Variants in GALNT13 observed in about 807,000 individuals in gnomAD.
The protein encoded by GALNT13 is UDP-GalNAc:polypeptide N-acetylgalactosaminyltransferase 13.
A neutral mutation model predicts 64.2 loss-of-function variants in GALNT13; 28 were observed. The ratio of observed to expected loss-of-function variants is 0.44; its 90% CI spans 0.32 to 0.60. The LOEUF (loss-of-function observed/expected upper bound fraction) is 0.60. GALNT13 is among the 20% of genes least tolerant of loss of function. GALNT13 has a pLI of 0.05. For synonymous variants in GALNT13, 214 were observed against 224.6 expected (o/e 0.95, Z 0.42); for missense variants, 577 against 669.8 (o/e 0.86, Z 1.53).
chr2:153,205,151 C>T, the GALNT13 span, among the ~76,000 whole-genome samples: 1 of 150,544 alleles, frequency 6.6e-6, no homozygotes, highest in African/African-American at 2.4e-5. Context: ...AAGTCTACCT[C>T]ACTATTAATA....
At chr2:153,102,591 A>G in the GALNT13 span, among the ~76,000 whole-genome samples, 1 of 152,210 alleles carries the variant, frequency 6.6e-6, no homozygotes, top group African/African-American at 2.4e-5. Flanking sequence ...TTTAGGCAAT[A>G]TTATTTAAAT....
At chr2:153,909,212 A>G (rs1688782947) in intron 2 of GALNT13, among the ~76,000 whole-genome samples, 1 of 152,078 alleles carries the variant, frequency 6.6e-6, no homozygotes, top group Admixed American at 6.6e-5. Flanking sequence ...ATTGCCATAT[A>G]GGATTTTTAA....
chr2:153,714,829 G>A, the GALNT13 span, among the ~76,000 whole-genome samples: 1 of 152,114 alleles, frequency 6.6e-6, no homozygotes, highest in Non-Finnish European at 1.5e-5. Flanking sequence ...AAAGAAAACA[G>A]AGTAATACTA....
chr2:154,276,761 A>G (rs184593645), intron 8 of GALNT13, among the ~76,000 whole-genome samples: 42 of 152,212 alleles, frequency 2.8e-4, no homozygotes, highest in African/African-American at 9.4e-4. Context: ...GTGGGAGGCA[A>G]TTTAATCATG....
At chr2:153,596,941 A>G in the GALNT13 span, among the ~76,000 whole-genome samples, 1 of 152,154 alleles carries the variant, frequency 6.6e-6, no homozygotes. Flanking sequence ...ATTGGGGTAC[A>G]AATTTTAAAT....
the GALNT13 span, among the ~76,000 whole-genome samples, chr2:153,726,635 T>A: frequency 5.9e-5 from 9 of 152,084 alleles, no homozygotes; most frequent in Admixed American, 3.3e-4. Flanking sequence ...CATGTACCAT[T>A]TTTTCCTTGT....
intron 9 of GALNT13, among the ~76,000 whole-genome samples, chr2:154,338,266 A>G (rs1695562672): frequency 6.6e-6 from 1 of 152,168 alleles, no homozygotes. Context: ...AGTGTTCTAC[A>G]GTGTTTGTAC....
At chr2:153,699,725 T>C in the GALNT13 span, among the ~76,000 whole-genome samples, 1 of 151,956 alleles carries the variant, frequency 6.6e-6, no homozygotes, top group African/African-American at 2.4e-5. Flanking sequence ...TCTATGCAAA[T>C]AACCTAGAAA....
At chr2:153,428,584 T>C in the GALNT13 span, among the ~76,000 whole-genome samples, 3 of 152,206 alleles carry the variant, frequency 2.0e-5, no homozygotes, top group Admixed American at 6.5e-5. Flanking sequence ...AAAAATACTA[T>C]ATTATAAAGT....
chr2:154,062,023 G>A (rs766607763), intron 3 of GALNT13, among the ~76,000 whole-genome samples: 3 of 151,928 alleles, frequency 2.0e-5, no homozygotes, highest in Non-Finnish European at 2.9e-5. Context: ...TAACTTTCTT[G>A]AAAATATCAC....
chr2:153,578,536 C>T, the GALNT13 span, among the ~76,000 whole-genome samples: 1 of 152,126 alleles, frequency 6.6e-6, no homozygotes. Flanking sequence ...TGGCAGCCAC[C>T]TTGACTGTAG....
chr2:153,207,326 G>T, the GALNT13 span, among the ~76,000 whole-genome samples: 1 of 152,054 alleles, frequency 6.6e-6, no homozygotes, highest in Non-Finnish European at 1.5e-5. Context: ...CAGATTATGT[G>T]CATGTGTATG....
chr2:153,717,515 T>C, the GALNT13 span, among the ~76,000 whole-genome samples: 3 of 152,246 alleles, frequency 2.0e-5, no homozygotes, highest in Non-Finnish European at 4.4e-5. Flanking sequence ...AATAAAACCT[T>C]GTACATGGTA....
the GALNT13 span, among the ~76,000 whole-genome samples, chr2:153,819,236 A>G: frequency 1.3e-4 from 20 of 152,314 alleles, no homozygotes; most frequent in African/African-American, 4.8e-4. Flanking sequence ...AGCTATCTGT[A>G]TCAGGCTGAG....
At chr2:153,106,397 C>T in the GALNT13 span, among the ~76,000 whole-genome samples, 2 of 152,086 alleles carry the variant, frequency 1.3e-5, no homozygotes, top group Non-Finnish European at 2.9e-5. Context: ...CATTGTCTCT[C>T]CATGTGAATC....
chr2:153,675,570 G>C, the GALNT13 span, among the ~76,000 whole-genome samples: 1 of 152,136 alleles, frequency 6.6e-6, no homozygotes, highest in Non-Finnish European at 1.5e-5. Flanking sequence ...GGGAGGGATA[G>C]AGTTAGGAGA....
At chr2:153,591,114 A>G in the GALNT13 span, among the ~76,000 whole-genome samples, 6 of 152,224 alleles carry the variant, frequency 3.9e-5, no homozygotes, top group African/African-American at 1.2e-4. Flanking sequence ...ACTGAATTCA[A>G]TAAAGTTGCA....
the GALNT13 span, among the ~76,000 whole-genome samples, chr2:153,818,575 C>T: frequency 6.6e-6 from 1 of 152,296 alleles, no homozygotes; most frequent in South Asian, 2.1e-4. Flanking sequence ...TGACTCTGCC[C>T]CTGCCGGAAC....
At chr2:154,315,591 G>T (rs920986925) in intron 9 of GALNT13, among the ~76,000 whole-genome samples, 2 of 152,132 alleles carry the variant, frequency 1.3e-5, no homozygotes, top group Non-Finnish European at 2.9e-5. Flanking sequence ...ATACACACAC[G>T]TATACATGAT....
Sources: allele counts gnomAD v4.1 joint callset (sites outside exome capture counted in the v4.1 genomes callset), GRCh38; gene constraint gnomAD v4.1.1; transcripts MANE v1.5; gene names NCBI Gene and HGNC (gene_info 2026-07-23, HGNC 2026-07-21).